Variants in PDE10A observed in about 807,000 individuals in gnomAD.
PDE10A encodes the protein phosphodiesterase 10A.
PDE10A carries 39 observed loss-of-function variants against 97.7 expected under a neutral mutation model. The ratio of observed to expected loss-of-function variants is 0.40; its 90% confidence interval spans 0.31 to 0.52. The LOEUF (loss-of-function observed/expected upper bound fraction) is 0.52, where lower values mean the gene tolerates loss of function less well. PDE10A is among the 20% of genes least tolerant of loss of function. PDE10A has a pLI of 0.56. For synonymous variants in PDE10A, 371 were observed against 376.8 expected, an observed-to-expected ratio of 0.98 and a Z score of 0.18; for missense variants, 731 against 1,047.8, an observed-to-expected ratio of 0.70 and a Z score of 4.17.
At chr6:165,764,874 T>A (rs577855138) in intron 1 of PDE10A, among the ~76,000 whole-genome samples, 1 of 152,206 alleles carries the variant, frequency 6.6e-6, no homozygotes, top group South Asian at 2.1e-4. Context: ...TTCTCTTATC[T>A]GGCCCCACCC....
chr6:165,961,300 A>T (rs1784353264), intron 1 of PDE10A, among the ~76,000 whole-genome samples: 1 of 152,232 alleles, frequency 6.6e-6, no homozygotes, highest in East Asian at 1.9e-4. Context: ...TGAGATCACA[A>T]GCCGGGCAAC....
Position 165,752,520 on chromosome 6 carries a change from A to T in PDE10A, c.-614-208952T>A, listed in dbSNP as rs565346829. On this transcript the variant is annotated intron_variant, in intron 1 of 19. Transcript: ENST00000366882. ...TTTGTTATGTTTGGGATAATTTGTTATATGTCATAACATATGTTATGTTAT... is the reference window on the plus strand; with the variant it reads ...TTTGTTATGTTTGGGATAATTTGTTTTATGTCATAACATATGTTATGTTAT... 9.8e-5 allele frequency among the ~76,000 whole-genome samples: 15 copies of T among 152,336 alleles called. No homozygotes were observed. In the South Asian group the frequency reaches 3.1e-3, roughly 32 times the overall value.
chr6:165,862,601 G>C (rs1394937736), intron 1 of PDE10A, among the ~76,000 whole-genome samples: 2 of 151,634 alleles, frequency 1.3e-5, no homozygotes, highest in African/African-American at 2.4e-5. Flanking sequence ...ATGAATTCAG[G>C]ACCACACTAA....
At chr6:165,497,202 T>A (rs958270776) in intron 2 of PDE10A, among the ~76,000 whole-genome samples, 11 of 152,230 alleles carry the variant, frequency 7.2e-5, no homozygotes, top group African/African-American at 2.2e-4. Context: ...CTTGTTGTAA[T>A]CACATTTTCT....
intron 1 of PDE10A, among the ~76,000 whole-genome samples, chr6:165,678,085 G>A (rs1790855245): frequency 6.7e-6 from 1 of 148,998 alleles, no homozygotes; most frequent in Non-Finnish European, 1.5e-5. Context: ...ATAGCTATGT[G>A]TGTGTATTAA....
At chr6:165,548,276 C>A (rs1376814141) in intron 1 of PDE10A, among the ~76,000 whole-genome samples, 2 of 105,632 alleles carry the variant, frequency 1.9e-5, no homozygotes, top group East Asian at 5.9e-4. Flanking sequence ...CTTTAAATCT[C>A]TTTTTTTTTT....
intron 1 of PDE10A, among the ~76,000 whole-genome samples, chr6:165,731,100 C>A (rs1216301274): frequency 6.6e-6 from 1 of 152,196 alleles, no homozygotes; most frequent in Non-Finnish European, 1.5e-5. Context: ...ACGCCCCATG[C>A]CGCGCCGCGG....
At chr6:165,549,337 T>C (rs1783894886) in intron 1 of PDE10A, among the ~76,000 whole-genome samples, 1 of 152,212 alleles carries the variant, frequency 6.6e-6, no homozygotes, top group Non-Finnish European at 1.5e-5. Context: ...GTTTTTGTTT[T>C]TGTTTGAGAC....
At chr6:165,503,815 C>CA (rs202049504) in intron 2 of PDE10A, among the ~76,000 whole-genome samples, 97 of 148,786 alleles carry the variant, frequency 6.5e-4, no homozygotes, top group Admixed American at 1.0e-3. Context: ...GAAATTAATG[C>CA]AAAAAAAAAT....
At chr6:165,413,129 C>T (rs1457578845) in intron 13 of PDE10A, among the ~76,000 whole-genome samples, 1 of 151,948 alleles carries the variant, frequency 6.6e-6, no homozygotes, top group African/African-American at 2.4e-5. Context: ...TATGACTATA[C>T]TTTTGTGTAA....
intron 1 of PDE10A, among the ~76,000 whole-genome samples, chr6:165,732,059 C>T (rs1353065753): frequency 6.6e-6 from 1 of 152,208 alleles, no homozygotes; most frequent in Non-Finnish European, 1.5e-5. Flanking sequence ...CCCCTTCACT[C>T]AGAATGAATT....
chr6:165,916,214 C>T lies in PDE10A; in HGVS notation c.-615+71315G>A, dbSNP rs538935618. On this transcript the variant is annotated intron_variant, in intron 1 of 19. Transcript: ENST00000366882. ...AGTTCCTAATTTGCAATCTGTTGAT[C>T]CGAACTTGTTTCTGCAAAACCTGCC... Among the ~76,000 whole-genome samples, 10 of 152,296 alleles carry T rather than the reference C, an allele frequency of 6.6e-5. No individual in the cohort carries two copies. The South Asian group carries it at 2.1e-3, about 32-fold the overall frequency.
chr6:165,900,556 C>T (rs751032299), intron 1 of PDE10A, among the ~76,000 whole-genome samples: 7 of 152,132 alleles, frequency 4.6e-5, no homozygotes, highest in African/African-American at 7.2e-5. Context: ...TTTTGTCCCT[C>T]TCTGTCTCTC....
At chr6:165,636,535 C>A (rs1360831402) in intron 1 of PDE10A, among the ~76,000 whole-genome samples, 3 of 152,178 alleles carry the variant, frequency 2.0e-5, no homozygotes, top group African/African-American at 4.8e-5. Flanking sequence ...CCAGCCCTTA[C>A]AGGAAACCTC....
chr6:165,949,651 T>G (rs778557471), intron 1 of PDE10A: 3 of 152,228 alleles, frequency 2.0e-5, no homozygotes, highest in Non-Finnish European at 4.4e-5. Context: ...GGAGATCTCT[T>G]TAGAAGAACT....
chr6:165,859,484 A>C (rs1391394485), intron 1 of PDE10A, among the ~76,000 whole-genome samples: 2 of 152,040 alleles, frequency 1.3e-5, no homozygotes, highest in East Asian at 3.9e-4. Flanking sequence ...TTTTACATTT[A>C]CTGATTTATT....
chr6:165,955,367 T>G (rs1022903583), intron 1 of PDE10A, among the ~76,000 whole-genome samples: 1 of 152,224 alleles, frequency 6.6e-6, no homozygotes, highest in Non-Finnish European at 1.5e-5. Flanking sequence ...TCAGTCTCCC[T>G]GTATTCAGTG....
At chr6:165,565,541 G>A (rs1562586103) in intron 1 of PDE10A, among the ~76,000 whole-genome samples, 2 of 152,044 alleles carry the variant, frequency 1.3e-5, no homozygotes, top group Non-Finnish European at 2.9e-5. Context: ...AATCAAAATA[G>A]AAATCCCAGG....
rs1028651067 is a variant in PDE10A, at chr6:165,327,600, G to T, written c.*5425C>A. 2 of 152,010 alleles carry T rather than the reference G, an allele frequency of 1.3e-5. No individual in the cohort carries two copies. The highest frequency in any genetic ancestry group is 2.1e-4 in the South Asian group (1 of 4,822). The allele number at this position is 152,010 out of a possible 1,614,324, so 9.4% of individuals were successfully genotyped here. A position where few individuals can be genotyped will look rare whatever the true frequency, so the allele number is the denominator to read the frequency against. On this transcript the variant is annotated 3_prime_UTR_variant, in exon 22 of 22. Coordinates refer to ENST00000539869, the MANE Select transcript of PDE10A (RefSeq NM_001385079.1). ...TTTTTTAAATACAAAGACTGCAAAT[G>T]AATACATGAAAAAATTACACACATG...
Sources: allele counts gnomAD v4.1 joint callset (sites outside exome capture counted in the v4.1 genomes callset), GRCh38; gene constraint gnomAD v4.1.1; transcripts MANE v1.5; gene names NCBI Gene and HGNC (gene_info 2026-07-23, HGNC 2026-07-21).